Variants in FSTL5 observed in about 807,000 individuals in gnomAD.
FSTL5 encodes the protein follistatin-related protein 5.
FSTL5 carries 62 observed loss-of-function variants against 89.1 expected under a neutral mutation model. The observed-to-expected ratio is 0.70, with a 90% CI of 0.57 to 0.86. FSTL5 has a LOEUF of 0.86. Ranked by LOEUF, FSTL5 falls within the 40% of genes least tolerant of loss-of-function variation. FSTL5 has a pLI of 0.00. For missense variants in FSTL5, 1,057 were observed against 1,001.6 expected (o/e 1.06, Z -0.75); for synonymous variants, 383 against 346.2 (o/e 1.11, Z -1.18).
At chr4:162,141,601 C>T (rs1363257136) in intron 1 of FSTL5, among the ~76,000 whole-genome samples, 1 of 152,066 alleles carries the variant, frequency 6.6e-6, no homozygotes, top group African/African-American at 2.4e-5. Context: ...CTTGGGTATT[C>T]CTGAAGAGCA....
chr4:161,391,818 T>A (rs2110877782), intron 15 of FSTL5, among the ~76,000 whole-genome samples: 1 of 152,322 alleles, frequency 6.6e-6, no homozygotes, highest in South Asian at 2.1e-4. Context: ...AATGCTTAGA[T>A]GTGTTTGAGA....
intron 6 of FSTL5, among the ~76,000 whole-genome samples, chr4:161,710,524 T>C (rs1365186992): frequency 6.6e-6 from 1 of 152,158 alleles, no homozygotes; most frequent in African/African-American, 2.4e-5. Context: ...TGGCTTCCTT[T>C]TTTGTTGTAT....
chr4:161,468,550 A>C (rs192396601), intron 13 of FSTL5, among the ~76,000 whole-genome samples: 1 of 152,278 alleles, frequency 6.6e-6, no homozygotes, highest in Non-Finnish European at 1.5e-5. Flanking sequence ...GGAAAGAAAA[A>C]ATGGGAAATC....
chr4:161,605,883 G>T (rs1235510664), intron 7 of FSTL5, among the ~76,000 whole-genome samples: 1 of 150,244 alleles, frequency 6.7e-6, no homozygotes, highest in African/African-American at 2.5e-5. Context: ...GTGCTGCGCT[G>T]TGTTAATTTA....
At chr4:161,821,531 C>T (rs1236981326) in intron 4 of FSTL5, among the ~76,000 whole-genome samples, 1 of 152,120 alleles carries the variant, frequency 6.6e-6, no homozygotes, top group Non-Finnish European at 1.5e-5. Context: ...AAGCAGTATA[C>T]ACTGTAACTA....
intron 7 of FSTL5, among the ~76,000 whole-genome samples, chr4:161,644,192 G>A (rs1396355328): frequency 6.6e-6 from 1 of 152,080 alleles, no homozygotes; most frequent in Admixed American, 6.6e-5. Context: ...AATGACAAGA[G>A]AAGGTTTTTC....
chr4:161,540,089 A>G (rs1156593179), intron 9 of FSTL5, among the ~76,000 whole-genome samples: 1 of 152,038 alleles, frequency 6.6e-6, no homozygotes, highest in African/African-American at 2.4e-5. Flanking sequence ...CTTAGATGTT[A>G]CCACTTTATT....
intron 4 of FSTL5, among the ~76,000 whole-genome samples, chr4:161,796,450 A>G (rs1729636192): frequency 1.3e-5 from 2 of 151,812 alleles, no homozygotes; most frequent in Non-Finnish European, 3.0e-5. Flanking sequence ...TGATGAATAT[A>G]TTGCTATCAT....
At chr4:161,807,503 C>A (rs1050397227) in intron 4 of FSTL5, among the ~76,000 whole-genome samples, 1 of 152,074 alleles carries the variant, frequency 6.6e-6, no homozygotes, top group African/African-American at 2.4e-5. Flanking sequence ...ATTTGTAATA[C>A]TGTGCATGAA....
intron 2 of FSTL5, among the ~76,000 whole-genome samples, chr4:162,108,250 A>G (rs980528774): frequency 1.8e-4 from 28 of 152,134 alleles, no homozygotes; most frequent in African/African-American, 6.8e-4. Flanking sequence ...ATTTTCAATT[A>G]CATTTATGTT....
chr4:161,602,974 C>G (rs1578959204), intron 7 of FSTL5, among the ~76,000 whole-genome samples: 1 of 152,246 alleles, frequency 6.6e-6, no homozygotes. Context: ...TAAATAACAA[C>G]TTCACTTTTT....
rs539352004 is a variant in FSTL5, at chr4:161,714,184, T to C, written c.727+45227A>G. On this transcript the variant is annotated intron_variant, in intron 6 of 15. Coordinates refer to ENST00000306100, the MANE Select transcript of FSTL5 (RefSeq NM_020116.5). ...TTCAGGAGCCTTCCATCTGGCTAGA[T>C]GACTCAGAGGACATGCAGAAACTCA... 2.0e-5 allele frequency among the ~76,000 whole-genome samples: 3 copies of C among 152,222 alleles called. No individual in the cohort carries two copies. The East Asian group carries it at 5.8e-4, about 29-fold the overall frequency.
At chr4:161,523,341 G>A (rs1282103480) in intron 10 of FSTL5, among the ~76,000 whole-genome samples, 1 of 152,150 alleles carries the variant, frequency 6.6e-6, no homozygotes, top group African/African-American at 2.4e-5. Context: ...AGGCAGGAAG[G>A]AAATGATGCT....
chr4:161,641,315 G>A (rs943827590), intron 7 of FSTL5, among the ~76,000 whole-genome samples: 3 of 151,962 alleles, frequency 2.0e-5, no homozygotes, highest in East Asian at 1.9e-4. Context: ...TCCACATTTC[G>A]TTTTCCATAT....
At chr4:162,080,251 C>T (rs78831509) in intron 2 of FSTL5, among the ~76,000 whole-genome samples, 1,628 of 151,612 alleles carry the variant, frequency 0.011, 19 homozygotes, top group Non-Finnish European at 0.017. Context: ...ATTTTTACAA[C>T]TTTTACTTTT....
At chr4:162,026,003 T>G (rs1737267302) in intron 3 of FSTL5, among the ~76,000 whole-genome samples, 1 of 151,856 alleles carries the variant, frequency 6.6e-6, no homozygotes, top group Admixed American at 6.6e-5. Flanking sequence ...AATATACTCT[T>G]TTATAAAGCC....
rs139955437 is a variant in FSTL5 at position 161,998,760 on chromosome 4, T to C, written c.160+34865A>G. Among the ~76,000 whole-genome samples the C allele has an allele frequency of 2.2e-3, 342 of 152,166 alleles. 11 individuals are homozygous for C. In the East Asian group the frequency reaches 0.056, roughly 25 times the overall value. On this transcript the variant is annotated intron_variant, in intron 3 of 15. Coordinates refer to ENST00000306100, the MANE Select transcript of FSTL5 (RefSeq NM_020116.5). ...GCAAATGGAAACTTAAATAGTTAGGTCATTGATGTCTCCTGCTATACAAAA... is the reference window on the plus strand; with the variant it reads ...GCAAATGGAAACTTAAATAGTTAGGCCATTGATGTCTCCTGCTATACAAAA...
chr4:161,475,413 G>A (rs10004013), intron 13 of FSTL5, among the ~76,000 whole-genome samples: 3,017 of 152,012 alleles, frequency 0.02, 86 homozygotes, highest in African/African-American at 0.069. Flanking sequence ...GAGTCTCACA[G>A]GTCCCTTAGA....
At chr4:161,927,875 T>C (rs1246730563) in intron 3 of FSTL5, among the ~76,000 whole-genome samples, 2 of 151,730 alleles carry the variant, frequency 1.3e-5, no homozygotes, top group Non-Finnish European at 2.9e-5. Context: ...AGCAATATAA[T>C]GTTCACAGCC....
Sources: allele counts gnomAD v4.1 joint callset (sites outside exome capture counted in the v4.1 genomes callset), GRCh38; gene constraint gnomAD v4.1.1; transcripts MANE v1.5; gene names NCBI Gene and HGNC (gene_info 2026-07-23, HGNC 2026-07-21).